Variants in BIRC6 observed in about 807,000 individuals in gnomAD.
BIRC6 encodes dual E2 ubiquitin-conjugating enzyme/E3 ubiquitin-protein ligase BIRC6.
In BIRC6, 98 loss-of-function variants were observed where a neutral mutation model predicts 503.3. That is an observed-to-expected ratio of 0.19 (90% confidence interval 0.17 to 0.23). The LOEUF is 0.23. Ranked by LOEUF, BIRC6 falls within the 10% of genes least tolerant of loss-of-function variation. The pLI, the probability that BIRC6 is intolerant of heterozygous loss-of-function variation, is 1.00. For synonymous variants in BIRC6, 2,240 were observed against 2,078.7 expected (o/e 1.08, Z -2.11); for missense variants, 5,360 against 5,806.0 (o/e 0.92, Z 2.50).
At chr2:32,520,758 G>C (rs760535057) in intron 57 of BIRC6, among the ~76,000 whole-genome samples, 5 of 152,100 alleles carry the variant, frequency 3.3e-5, no homozygotes, top group Non-Finnish European at 7.4e-5. Flanking sequence ...TGGAGGTTAC[G>C]GTGAGCCGAG....
At chr2:32,593,536 T>C (rs1169487222) in intron 66 of BIRC6, among the ~76,000 whole-genome samples, 1 of 152,214 alleles carries the variant, frequency 6.6e-6, no homozygotes, top group Non-Finnish European at 1.5e-5. Context: ...AATTTAATTC[T>C]GAGTGAAATA....
chr2:32,416,259 A>T, intron 10 of BIRC6, 96 bp downstream of exon 10: 2 of 1,243,194 alleles, frequency 1.6e-6, no homozygotes, highest in South Asian at 3.5e-5. Context: ...GTTCAAATAG[A>T]TGGGGAGGAA....
At position 32,545,765 on chromosome 2, in the gene BIRC6, T is replaced by C. The variant is rs1321667811; in HGVS notation, c.12715T>C (p.Leu4239=). 3 of 1,613,860 alleles carry C rather than the reference T, an allele frequency of 1.9e-6. No individual in the cohort carries two copies. Among genetic ancestry groups the C allele is most frequent in the East Asian group, 2.2e-5 (1 of 44,890 alleles). The change falls in exon 63 of 74, where the codon TTG becomes CTG. Residue 4239 remains leucine, a synonymous_variant. Transcript: ENST00000421745. ...DDGVLLRRMA[L]EIGALHLILV... is the part of the protein sequence containing the mutation. The stretch of plus-strand genomic sequence containing the variant: ...TGGTGTACTTCTAAGGCGGATGGCA[T>C]TGGAAATTGGAGCCTTACACCTCAT...
intron 20 of BIRC6, 38 bp downstream of exon 20, chr2:32,443,626 A>G (rs2045651427): frequency 7.1e-7 from 1 of 1,407,828 alleles, no homozygotes; most frequent in Admixed American, 2.0e-5. Flanking sequence ...AGTTATAGTC[A>G]TATGGAACAT....
chr2:32,588,239 C>T (rs566003451), intron 66 of BIRC6, among the ~76,000 whole-genome samples: 3 of 152,064 alleles, frequency 2.0e-5, no homozygotes, highest in Non-Finnish European at 2.9e-5. Flanking sequence ...CCTGTAATCT[C>T]AGCTACTCAG....
At chr2:32,391,275 T>G (rs1346593313) in intron 4 of BIRC6, among the ~76,000 whole-genome samples, 1 of 152,176 alleles carries the variant, frequency 6.6e-6, no homozygotes, top group Non-Finnish European at 1.5e-5. Flanking sequence ...GACTGTGGTG[T>G]TTTTTTCATT....
intron 9 of BIRC6, among the ~76,000 whole-genome samples, chr2:32,408,329 C>T (rs772621242): frequency 1.2e-4 from 18 of 151,948 alleles, no homozygotes; most frequent in South Asian, 4.2e-4. Flanking sequence ...AGGCTGGTCT[C>T]GAGCTGCTGA....
At position 32,433,755 on chromosome 2, in the gene BIRC6, A is replaced by T. The variant is rs375036830; in HGVS notation, c.3360A>T (p.Ile1120=). 13 of 1,596,114 alleles carry T rather than the reference A, an allele frequency of 8.1e-6. No individual in the cohort carries two copies. Among genetic ancestry groups the T allele is most frequent in the African/African-American group, 4.0e-5 (3 of 74,828 alleles). ...CAAACATCACCAATATTCCACAGAT[A>T]CAAGTGACACTGCTGAAAAATAAAG... ...LNSNITNIPQ[I]QVTLLKNKAP... The change falls in exon 13 of 74, where the codon ATA becomes ATT. Residue 1120 remains isoleucine, a synonymous_variant. Coordinates refer to ENST00000421745, the MANE Select transcript of BIRC6 (RefSeq NM_016252.4).
At chr2:32,572,572 G>A (rs535798111) in intron 65 of BIRC6, among the ~76,000 whole-genome samples, 10 of 152,262 alleles carry the variant, frequency 6.6e-5, no homozygotes, top group South Asian at 6.2e-4. Context: ...ATCCTCACAA[G>A]TACTGACATT....
chr2:32,509,271 T>C (rs1010783047), intron 51 of BIRC6, among the ~76,000 whole-genome samples: 1 of 152,162 alleles, frequency 6.6e-6, no homozygotes, highest in Non-Finnish European at 1.5e-5. Flanking sequence ...TCTGTTTGTT[T>C]TGAGACAGAG....
Position 32,442,130 on chromosome 2 carries a change from GA to G in BIRC6, c.4015del (p.Thr1339GlnfsTer21). 1 of 1,610,720 alleles carries G rather than the reference GA, an allele frequency of 6.2e-7. No homozygotes were observed. On this transcript the variant is annotated frameshift_variant, in exon 18 of 74. Coordinates refer to ENST00000421745, the MANE Select transcript of BIRC6 (RefSeq NM_016252.4). LOFTEE classifies it high-confidence loss of function. ...GAGAAGCTTCTTAATACTCTTTGCA[GA>G]AAAACAGATGATGGCCAGATCACAG... The part of the protein sequence containing the change: ...FHEKLLNTLC[R>X]KTDDGQITEH...
At chr2:32,611,620 A>G in intron 73 of BIRC6, 38 bp downstream of exon 73, 1 of 1,501,832 alleles carries the variant, frequency 6.7e-7, no homozygotes, top group South Asian at 1.4e-5. Context: ...TGTTGCTTTA[A>G]GAGTTGTGTA....
chr2:32,447,384 G>A (rs1187221874), intron 21 of BIRC6, among the ~76,000 whole-genome samples: 1 of 150,540 alleles, frequency 6.6e-6, no homozygotes, highest in Non-Finnish European at 1.5e-5. Context: ...GCGGGGGGCT[G>A]ATCCCCCCAC....
intron 65 of BIRC6, among the ~76,000 whole-genome samples, chr2:32,555,253 C>T (rs192476831): frequency 5.3e-5 from 8 of 152,074 alleles, no homozygotes; most frequent in Non-Finnish European, 7.4e-5. Flanking sequence ...TGGTTCATGC[C>T]TGTAATCCCT....
chr2:32,430,690 T>G (rs1348465850), intron 11 of BIRC6, among the ~76,000 whole-genome samples, 175 bp from the exon 12 acceptor site: 1 of 152,120 alleles, frequency 6.6e-6, no homozygotes, highest in Non-Finnish European at 1.5e-5. Flanking sequence ...TTAGCCAGAG[T>G]TAGTTATCTT....
chr2:32,503,321 G>A (rs1203647052), intron 49 of BIRC6, 85 bp downstream of exon 49: 1 of 1,141,096 alleles, frequency 8.8e-7, no homozygotes, highest in Non-Finnish European at 1.2e-6. Flanking sequence ...GAAGTCAGTT[G>A]ATGATGTTAT....
At chr2:32,578,698 A>G (rs2060433350) in intron 66 of BIRC6, among the ~76,000 whole-genome samples, 1 of 151,832 alleles carries the variant, frequency 6.6e-6, no homozygotes, top group Admixed American at 6.6e-5. Flanking sequence ...TGGGAGGCTG[A>G]GGCACGAGAA....
At chr2:32,425,681 C>T (rs915417697) in intron 10 of BIRC6, among the ~76,000 whole-genome samples, 3 of 152,180 alleles carry the variant, frequency 2.0e-5, no homozygotes, top group Non-Finnish European at 4.4e-5. Flanking sequence ...AGAGTTCTAT[C>T]TCTTTAAATC....
Position 32,515,591 on chromosome 2 carries a change from T to G in BIRC6, c.11170T>G (p.Ser3724Ala). The part of the protein sequence containing the change: ...ALLFLLCHSG[S>A]TSGSHNLGAQ... ...TCTGTTTTTATTGTGTCACTCTGGGTCCACTTCTGGAAGCCATAATTTAGG... is the reference window on the plus strand; with the variant it reads ...TCTGTTTTTATTGTGTCACTCTGGGGCCACTTCTGGAAGCCATAATTTAGG... The change falls in exon 55 of 74, where the codon TCC (serine) becomes GCC (alanine). Residue 3724 changes from serine to alanine, a missense_variant. Ser to Ala is a moderately conservative substitution (Grantham distance 99). This residue lies in a region of BIRC6 where 878 missense variants were observed against 928.9 expected (regional missense o/e 0.95). Transcript: ENST00000421745. 1.2e-6 allele frequency: 2 copies of G among 1,613,856 alleles called. No homozygotes were observed. Among genetic ancestry groups the G allele is most frequent in the East Asian group, 4.5e-5 (2 of 44,880 alleles).
Sources: gnomAD v4.1 joint callset for allele counts (sites outside exome capture counted in the v4.1 genomes callset) on GRCh38, gnomAD v4.1.1 for gene constraint, gnomAD v4.1.1 regional missense constraint, MANE v1.5 for transcripts, NCBI Gene and HGNC (gene_info 2026-07-23, HGNC 2026-07-21) for gene names.